Variants in STIL observed in about 807,000 individuals in gnomAD.
STIL encodes the protein SCL-interrupting locus protein.
STIL carries 55 observed loss-of-function variants against 110.1 expected under a neutral mutation model. The ratio of observed to expected loss-of-function variants is 0.50; its 90% CI spans 0.40 to 0.63. STIL has a LOEUF of 0.63. STIL is among the 20% of genes least tolerant of loss of function. STIL has a pLI of 0.00. For synonymous variants in STIL, 481 were observed against 530.0 expected (o/e 0.91, Z 1.27); for missense variants, 1,358 against 1,530.0 (o/e 0.89, Z 1.87).
chr1:47,286,818 G>A (rs900512489), intron 10 of STIL, among the ~76,000 whole-genome samples: 5 of 152,194 alleles, frequency 3.3e-5, no homozygotes, highest in Admixed American at 3.3e-4. Flanking sequence ...GGACCTGAGT[G>A]TGTGTAATGT....
At chr1:47,297,214 C>T (rs1645665219) in intron 6 of STIL, among the ~76,000 whole-genome samples, 2 of 152,046 alleles carry the variant, frequency 1.3e-5, no homozygotes, top group South Asian at 4.2e-4. Context: ...TGGTGACGGG[C>T]GCCTGTAATC....
rs768300785 is a variant in STIL at position 47,251,122 on chromosome 1, A to G, written c.*14T>C. The G allele has an allele frequency of 2.5e-6, 4 of 1,612,244 alleles. No homozygotes were observed. The Admixed American group carries it at 6.7e-5, about 27-fold the overall frequency. ...CACCCTGTCCCTGTATTAAAAGGGC[A>G]GGGAGTTAAAAGGTTAAAATAATTT... On this transcript the variant is annotated 3_prime_UTR_variant, in exon 17 of 17. Transcript: ENST00000371877.
chr1:47,282,791 A>C (rs1158574400), intron 10 of STIL: 4 of 266,876 alleles, frequency 1.5e-5, no homozygotes, highest in Non-Finnish European at 2.9e-5. Flanking sequence ...GCTGTCAAAA[A>C]ATTTATAATC....
At chr1:47,275,590 A>ATGTC (rs1644969018) in intron 12 of STIL, among the ~76,000 whole-genome samples, 1 of 152,082 alleles carries the variant, frequency 6.6e-6, no homozygotes, top group African/African-American at 2.4e-5. Context: ...CCTGGGTGAC[A>ATGTC]CAGTGAGACT....
intron 13 of STIL, 129 bp downstream of exon 13, chr1:47,271,945 TAA>T: frequency 1.1e-6 from 1 of 875,140 alleles, no homozygotes; most frequent in Non-Finnish European, 1.8e-6. Context: ...CACAAAAACT[TAA>T]GTCATACTCT....
intron 5 of STIL, among the ~76,000 whole-genome samples, chr1:47,300,700 G>C (rs1394214130): frequency 6.6e-6 from 1 of 152,096 alleles, no homozygotes; most frequent in Non-Finnish European, 1.5e-5. Flanking sequence ...AACTCCTCCT[G>C]ATCAGCCCAC....
chr1:47,309,171 T>G (rs979634593), intron 2 of STIL, among the ~76,000 whole-genome samples: 1 of 152,208 alleles, frequency 6.6e-6, no homozygotes, highest in Non-Finnish European at 1.5e-5. Context: ...ACACATTGCA[T>G]GCCTTATAAA....
chr1:47,265,260 A>AAAAAAAAAAAAC (rs1553170532), intron 14 of STIL, among the ~76,000 whole-genome samples: 30 of 148,418 alleles, frequency 2.0e-4, no homozygotes, highest in African/African-American at 6.7e-4. Flanking sequence ...AAAAAAAAAA[A>AAAAAAAAAAAAC]CACAAGATTG....
chr1:47,295,740 T>C (rs1645624132), intron 7 of STIL, 25 bp downstream of exon 7: 1 of 1,515,194 alleles, frequency 6.6e-7, no homozygotes. Flanking sequence ...GCTGATAAGG[T>C]TTTCATAAAT....
In STIL at chr1:47,251,202, A is replaced by C; in HGVS notation, c.3801T>G (p.Asn1267Lys). The C allele has an allele frequency of 1.2e-6, 2 of 1,612,408 alleles. No individual in the cohort carries two copies. Among genetic ancestry groups the C allele is most frequent in the Middle Eastern group, 1.7e-4 (1 of 6,048 alleles). Residue 1267 changes from asparagine (N) to lysine (K), a missense_variant, in exon 17 of 17, where the codon AAT becomes AAG. Physicochemically the swap from Asn to Lys is moderately conservative, Grantham distance 94. Transcript: ENST00000371877. ...LQPSETLKQM[N>K]SMNSVGTFLD... ...AGAAGGTGCCTACTGAATTCATGCT[A>C]TTCATCTGCTTTAGCGTTTCAGAAG...
intron 10 of STIL, among the ~76,000 whole-genome samples, chr1:47,286,262 CCCA>C (rs1645295821): frequency 6.6e-6 from 1 of 152,052 alleles, no homozygotes; most frequent in South Asian, 2.1e-4. Flanking sequence ...CTGCCTGCCC[CCCA>C]CCACTAGTTA....
chr1:47,293,772 CGAGA>C (rs139708051), intron 7 of STIL, among the ~76,000 whole-genome samples: 7 of 149,552 alleles, frequency 4.7e-5, no homozygotes, highest in East Asian at 1.9e-4. Flanking sequence ...AGATATATAT[CGAGA>C]GAGAGAGAGA....
intron 10 of STIL, among the ~76,000 whole-genome samples, chr1:47,286,592 G>T (rs1474885036): frequency 6.6e-6 from 1 of 151,634 alleles, no homozygotes; most frequent in African/African-American, 2.4e-5. Context: ...CTACTCGGGA[G>T]GCTGAGGCAG....
intron 2 of STIL, among the ~76,000 whole-genome samples, chr1:47,309,108 C>CA (rs1476618673): frequency 1.3e-5 from 2 of 151,250 alleles, no homozygotes; most frequent in Non-Finnish European, 2.9e-5. Context: ...GTCTCTAACA[C>CA]AAAAGATAAA....
intron 2 of STIL, among the ~76,000 whole-genome samples, chr1:47,308,365 C>G (rs1034118544): frequency 6.7e-6 from 1 of 149,698 alleles, no homozygotes; most frequent in South Asian, 2.1e-4. Context: ...ACGTGATTAT[C>G]GGGGCAGGTC....
At chr1:47,290,756 A>T (rs1181342000) in intron 8 of STIL, among the ~76,000 whole-genome samples, 2 of 152,142 alleles carry the variant, frequency 1.3e-5, no homozygotes, top group Non-Finnish European at 2.9e-5. Flanking sequence ...GGCTAAAGAC[A>T]TGACTAGGCA....
In STIL at chr1:47,263,132, A is replaced by G; in HGVS notation, c.2616-16T>C. On this transcript the variant is annotated splice_polypyrimidine_tract_variant and intron_variant, in intron 14 of 16. Coordinates refer to ENST00000371877, the MANE Select transcript of STIL (RefSeq NM_001048166.1). ...AGAAGAGCTGCTGGGAAGGATATAT[A>G]ATGTGTTAGTCATTGAGGTACCTTT... 7 of 1,609,006 alleles carry G rather than the reference A, an allele frequency of 4.4e-6. No individual in the cohort carries two copies. Among genetic ancestry groups the G allele is most frequent in the Non-Finnish European group, 6.0e-6 (7 of 1,175,752 alleles).
At chr1:47,292,824 C>A (rs1440502237) in intron 8 of STIL, among the ~76,000 whole-genome samples, 1 of 152,168 alleles carries the variant, frequency 6.6e-6, no homozygotes, top group African/African-American at 2.4e-5. Context: ...CAATTTATTA[C>A]TATGTGCTTG....
chr1:47,287,102 CA>C (rs1645324775), intron 10 of STIL, among the ~76,000 whole-genome samples: 1 of 152,062 alleles, frequency 6.6e-6, no homozygotes, highest in Admixed American at 6.6e-5. Context: ...ATGGTTCACA[CA>C]CGTGATCCCA....
Sources: gnomAD v4.1 joint callset for allele counts (sites outside exome capture counted in the v4.1 genomes callset) on GRCh38, gnomAD v4.1.1 for gene constraint, MANE v1.5 for transcripts, NCBI Gene and HGNC (gene_info 2026-07-23, HGNC 2026-07-21) for gene names.